DMD: variants seen among roughly 807,000 people sequenced by gnomAD.
DMD encodes the protein dystrophin, also known as mutant dystrophin.
Under a neutral mutation model 330.1 loss-of-function variants are expected in DMD, and 63 were observed. The ratio of observed to expected loss-of-function variants is 0.19; its 90% CI spans 0.16 to 0.24. The LOEUF (loss-of-function observed/expected upper bound fraction) is 0.24. DMD is among the 10% of genes least tolerant of loss of function. DMD has a pLI of 1.00. For synonymous variants in DMD, 1,223 were observed against 959.8 expected, an observed-to-expected ratio of 1.27 and a Z score of -5.07; for missense variants, 3,344 against 2,684.1, an observed-to-expected ratio of 1.25 and a Z score of -5.43.
chrX:31,209,604 A>T lies in DMD; in HGVS notation c.9457T>A (p.Cys3153Ser). 8.3e-7 allele frequency: 1 copy of T among 1,211,765 alleles called. No homozygotes were observed. The highest frequency in any genetic ancestry group is 1.1e-6 in the Non-Finnish European group (1 of 895,363). ...QPMDILQIIN[C>S]LTTIYDRLEQ... ...AGGCGGTCATAAATAGTGGTCAAAC[A>T]ATTAATAATCTGCAGGATATCCATG... Residue 3153 changes from cysteine (C) to serine (S), a missense_variant, in exon 65 of 79, where the codon TGT becomes AGT. By Grantham distance (112) the Cys-to-Ser change is moderately radical (BLOSUM62 -1). Transcript: ENST00000357033.
At chrX:32,568,705 C>G (rs1001821829) in intron 15 of DMD, among the ~76,000 whole-genome samples, 2 of 111,017 alleles carry the variant, frequency 1.8e-5, no homozygotes, top group African/African-American at 3.3e-5. Flanking sequence ...TGTTTGGTCT[C>G]AGTTTCTCTC....
chrX:33,244,877 C>T (rs2148892791), intron 1 of DMD, among the ~76,000 whole-genome samples: 1 of 111,520 alleles, frequency 9.0e-6, no homozygotes, highest in South Asian at 3.7e-4. Flanking sequence ...TATTGACAAG[C>T]CCTAGTGTCT....
intron 7 of DMD, among the ~76,000 whole-genome samples, chrX:32,784,008 G>C (rs900104471): frequency 9.9e-5 from 2 of 20,168 alleles, no homozygotes; most frequent in South Asian, 3.0e-3. Context: ...AGCGGGGGTG[G>C]GGGGGGGAAA....
intron 43 of DMD, among the ~76,000 whole-genome samples, chrX:32,252,677 A>AAATATAT (rs2097270520): frequency 3.0e-5 from 1 of 33,576 alleles, no homozygotes; most frequent in Non-Finnish European, 4.8e-5. Flanking sequence ...TATATATATA[A>AAATATAT]ATATATAAAT....
At chrX:31,918,204 A>G (rs1024212770) in intron 47 of DMD, among the ~76,000 whole-genome samples, 1 of 112,364 alleles carries the variant, frequency 8.9e-6, no homozygotes, top group African/African-American at 3.2e-5. Flanking sequence ...ATAAAGTATG[A>G]TAGTATATAT....
intron 42 of DMD, among the ~76,000 whole-genome samples, chrX:32,289,300 C>T (rs1475221376): frequency 9.0e-6 from 1 of 110,619 alleles, no homozygotes; most frequent in Non-Finnish European, 1.9e-5. Context: ...AATATCATCA[C>T]CCATATTCAG....
chrX:31,953,730 T>C (rs1466176591), intron 45 of DMD, among the ~76,000 whole-genome samples: 1 of 111,651 alleles, frequency 9.0e-6, no homozygotes, highest in Non-Finnish European at 1.9e-5. Flanking sequence ...CTCTTACTCT[T>C]ACAACATCTC....
intron 60 of DMD, among the ~76,000 whole-genome samples, chrX:31,363,386 T>TA (rs1309770593): frequency 1.5e-4 from 13 of 85,476 alleles, no homozygotes; most frequent in African/African-American, 5.6e-4. Flanking sequence ...TTTTTTTTTT[T>TA]TTTTTTTTTT....
At chrX:31,702,668 T>G (rs1458895861) in intron 52 of DMD, among the ~76,000 whole-genome samples, 2 of 110,867 alleles carry the variant, frequency 1.8e-5, no homozygotes, top group Non-Finnish European at 3.8e-5. Context: ...AGGGCTGCTT[T>G]AAAAACTACG....
chrX:31,547,384 ACT>A (rs1288326650), intron 55 of DMD, among the ~76,000 whole-genome samples: 1 of 112,510 alleles, frequency 8.9e-6, no homozygotes, highest in Admixed American at 9.4e-5. Flanking sequence ...TCATAGGATA[ACT>A]TTTTAGTTCC....
At chrX:32,794,371 A>G (rs754681904) in intron 7 of DMD, among the ~76,000 whole-genome samples, 7 of 111,544 alleles carry the variant, frequency 6.3e-5, no homozygotes, top group African/African-American at 9.8e-5. Context: ...GGGTGGATCA[A>G]TAGATCAGGA....
rs3795202 is a variant in DMD, at chrX:32,709,196, T to A, written c.650-9903A>T. 1.8e-4 allele frequency among the ~76,000 whole-genome samples: 20 copies of A among 111,888 alleles called. No homozygotes were observed. The East Asian group carries it at 5.4e-3, about 30-fold the overall frequency. ...TACAATAATATCCATGGATGTCAAG[T>A]AATTTCCAATGTGAAAAAAATGCAA... On this transcript the variant is annotated intron_variant, in intron 7 of 78. Coordinates refer to ENST00000357033, the MANE Select transcript of DMD (RefSeq NM_004006.3).
At chrX:32,574,105 G>T (rs1481104252) in intron 13 of DMD, among the ~76,000 whole-genome samples, 1 of 111,512 alleles carries the variant, frequency 9.0e-6, no homozygotes, top group African/African-American at 3.3e-5. Flanking sequence ...ATATAAAATG[G>T]CTCCATAGCA....
At chrX:33,145,902 T>G in intron 1 of DMD, among the ~76,000 whole-genome samples, 1 of 110,302 alleles carries the variant, frequency 9.1e-6, no homozygotes, top group Non-Finnish European at 1.9e-5. Flanking sequence ...TTATTTATTT[T>G]TTTGAGACAG....
rs1408317270 is a variant in DMD at position 33,318,309 on chromosome X, G to C, written c.7+20950C>G. ...GAAATAAAGTTCTCTAGGCACCACT[G>C]TTCTACTGAAACAATTAATTTGTTT... On this transcript the variant is annotated intron_variant, in intron 1 of 17. Coordinates refer to the DMD transcript ENST00000288447. 5.4e-5 allele frequency among the ~76,000 whole-genome samples: 6 copies of C among 110,845 alleles called. No individual in the cohort carries two copies. In the Admixed American group the frequency reaches 5.8e-4, roughly 11 times the overall value.
intron 2 of DMD, among the ~76,000 whole-genome samples, chrX:32,958,571 A>G (rs1360749231): frequency 9.0e-6 from 1 of 111,496 alleles, no homozygotes; most frequent in Non-Finnish European, 1.9e-5. Flanking sequence ...CTCTTAAGAA[A>G]ATATATATTT....
intron 7 of DMD, among the ~76,000 whole-genome samples, chrX:32,728,866 C>A (rs909419665): frequency 8.9e-6 from 1 of 111,785 alleles, no homozygotes; most frequent in African/African-American, 3.3e-5. Flanking sequence ...TGGCCATAGC[C>A]ACTTAAACAC....
chrX:31,301,588 C>T (rs1323820756), intron 62 of DMD, among the ~76,000 whole-genome samples: 2 of 111,898 alleles, frequency 1.8e-5, no homozygotes, highest in African/African-American at 3.3e-5. Context: ...TCATTCACCT[C>T]CCATCAGGCC....
At chrX:31,296,356 G>T (rs1286520713) in intron 62 of DMD, among the ~76,000 whole-genome samples, 1 of 111,798 alleles carries the variant, frequency 8.9e-6, no homozygotes, top group Non-Finnish European at 1.9e-5. Context: ...AAAAACTATT[G>T]AAAGTATCAT....
Sources: allele counts gnomAD v4.1 joint callset (sites outside exome capture counted in the v4.1 genomes callset), GRCh38; gene constraint gnomAD v4.1.1; transcripts MANE v1.5; gene names NCBI Gene and HGNC (gene_info 2026-07-23, HGNC 2026-07-21).